Variants in IGF2BP2 observed in about 807,000 individuals in gnomAD.
The protein encoded by IGF2BP2 is insulin like growth factor 2 mRNA binding protein 2.
A neutral mutation model predicts 75.8 loss-of-function variants in IGF2BP2; 17 were observed. The ratio of observed to expected loss-of-function variants is 0.22; its 90% CI spans 0.15 to 0.34. IGF2BP2 has a LOEUF of 0.34. Ranked by LOEUF, IGF2BP2 falls within the 10% of genes least tolerant of loss-of-function variation. IGF2BP2 has a pLI of 1.00. For missense variants in IGF2BP2, 516 were observed against 772.4 expected, an observed-to-expected ratio of 0.67 and a Z score of 3.93; for synonymous variants, 288 against 295.6, an observed-to-expected ratio of 0.97 and a Z score of 0.26.
chr3:185,678,689 G>C (rs1196992266), intron 7 of IGF2BP2, among the ~76,000 whole-genome samples: 2 of 152,136 alleles, frequency 1.3e-5, no homozygotes, highest in Non-Finnish European at 2.9e-5. Context: ...TTGTTCTTCT[G>C]TCTAGTAGTT....
intron 2 of IGF2BP2, among the ~76,000 whole-genome samples, chr3:185,755,701 G>A (rs1374789227): frequency 6.6e-6 from 1 of 152,216 alleles, no homozygotes; most frequent in Non-Finnish European, 1.5e-5. Context: ...TTTAATGCCT[G>A]CTCTACTGGG....
chr3:185,687,657 A>G (rs1721332207), intron 6 of IGF2BP2, among the ~76,000 whole-genome samples: 1 of 152,242 alleles, frequency 6.6e-6, no homozygotes, highest in African/African-American at 2.4e-5. Context: ...TGTGGATAGA[A>G]AACAGAGGCA....
intron 2 of IGF2BP2, among the ~76,000 whole-genome samples, chr3:185,706,873 T>C (rs1357224057): frequency 6.6e-6 from 1 of 151,776 alleles, no homozygotes; most frequent in African/African-American, 2.4e-5. Flanking sequence ...CCCGAGTAGC[T>C]GGGATGACAG....
chr3:185,700,425 T>C (rs910738683), intron 2 of IGF2BP2, among the ~76,000 whole-genome samples: 3 of 152,132 alleles, frequency 2.0e-5, no homozygotes, highest in Non-Finnish European at 4.4e-5. Flanking sequence ...GAATCACTAA[T>C]TGTGTATCAG....
chr3:185,708,076 G>A (rs1724303370), intron 2 of IGF2BP2, among the ~76,000 whole-genome samples: 1 of 152,144 alleles, frequency 6.6e-6, no homozygotes, highest in Admixed American at 6.5e-5. Context: ...TCTCATTTAA[G>A]CCTTACCCTT....
intron 2 of IGF2BP2, among the ~76,000 whole-genome samples, chr3:185,701,472 A>T (rs1326943196): frequency 6.6e-6 from 1 of 152,130 alleles, no homozygotes; most frequent in East Asian, 1.9e-4. Flanking sequence ...TTATTCTTGA[A>T]ATCTAATACA....
At chr3:185,745,260 G>T (rs1730100300) in intron 2 of IGF2BP2, among the ~76,000 whole-genome samples, 1 of 152,230 alleles carries the variant, frequency 6.6e-6, no homozygotes, top group Non-Finnish European at 1.5e-5. Flanking sequence ...TCAAGGTTAA[G>T]ATCAGGAAGC....
chr3:185,784,925 T>G (rs1206049285), intron 2 of IGF2BP2, among the ~76,000 whole-genome samples: 1 of 152,230 alleles, frequency 6.6e-6, no homozygotes, highest in African/African-American at 2.4e-5. Context: ...TTCAGTGGTG[T>G]GCTGTCAAAA....
At chr3:185,665,982 ATAGATAGG>A (rs1351853194) in intron 10 of IGF2BP2, among the ~76,000 whole-genome samples, 5 of 148,680 alleles carry the variant, frequency 3.4e-5, no homozygotes, top group Admixed American at 1.4e-4. Flanking sequence ...AGACAGATAG[ATAGATAGG>A]TAGATAGGTA....
intron 2 of IGF2BP2, among the ~76,000 whole-genome samples, chr3:185,740,090 C>T (rs531525425): frequency 4.6e-4 from 70 of 152,102 alleles, no homozygotes; most frequent in Admixed American, 3.1e-3. Flanking sequence ...TCAAGCAATC[C>T]ACCCGCCTCA....
In IGF2BP2 at chr3:185,815,991, A is replaced by G. The variant is rs78994655; in HGVS notation, c.239+7162T>C. Among the ~76,000 whole-genome samples, 480 of 152,326 alleles carry G rather than the reference A, an allele frequency of 3.2e-3. 3 individuals carry two copies. The highest frequency in any genetic ancestry group is 0.011 in the African/African-American group (457 of 41,562). On this transcript the variant is annotated intron_variant, in intron 2 of 15. Coordinates refer to ENST00000382199, the MANE Select transcript of IGF2BP2 (RefSeq NM_006548.6). ...TGAGAGGCCCAAGGCCTTATTCAGT[A>G]CAGAAAGTGACGTAGAGAAAGATAC...
chr3:185,734,008 C>CA (rs1728531636), intron 2 of IGF2BP2, among the ~76,000 whole-genome samples: 1 of 151,508 alleles, frequency 6.6e-6, no homozygotes, highest in African/African-American at 2.4e-5. Flanking sequence ...TTCTGGTGAC[C>CA]AAAAAAATCC....
chr3:185,667,442 C>T (rs539205922), intron 10 of IGF2BP2, among the ~76,000 whole-genome samples: 43 of 152,128 alleles, frequency 2.8e-4, no homozygotes, highest in Non-Finnish European at 5.1e-4. Context: ...TGCCTGTGAA[C>T]AGCTACTGCA....
chr3:185,823,094 CGTT>C (rs1741571441), intron 2 of IGF2BP2, 56 bp downstream of exon 2: 3 of 1,162,862 alleles, frequency 2.6e-6, no homozygotes, highest in Non-Finnish European at 3.7e-6. Context: ...GCTGTGTGTA[CGTT>C]TTTTACTTAT....
chr3:185,809,827 T>G (rs1578384459), intron 2 of IGF2BP2, among the ~76,000 whole-genome samples: 1 of 152,244 alleles, frequency 6.6e-6, no homozygotes, highest in East Asian at 1.9e-4. Flanking sequence ...CAATCTTAAT[T>G]TATCCAAAAA....
chr3:185,686,916 A>G, intron 7 of IGF2BP2, 141 bp downstream of exon 7: 1 of 908,704 alleles, frequency 1.1e-6, no homozygotes. Context: ...ACTTGGGAAC[A>G]AATTTCTTAA....
intron 2 of IGF2BP2, among the ~76,000 whole-genome samples, chr3:185,822,836 T>TG (rs1323930827): frequency 1.0e-5 from 1 of 95,368 alleles, no homozygotes; most frequent in African/African-American, 4.1e-5. Context: ...GCTATTCTGC[T>TG]GGGGGTAGGG....
intron 2 of IGF2BP2, among the ~76,000 whole-genome samples, chr3:185,759,309 A>G (rs951704087): frequency 1.3e-5 from 2 of 152,240 alleles, no homozygotes; most frequent in African/African-American, 2.4e-5. Flanking sequence ...AACATGTACT[A>G]CTGTCTGCTC....
At chr3:185,787,831 T>G (rs1189326120) in intron 2 of IGF2BP2, among the ~76,000 whole-genome samples, 2 of 152,222 alleles carry the variant, frequency 1.3e-5, no homozygotes, top group East Asian at 3.8e-4. Flanking sequence ...GGATGCTGTT[T>G]TCTCAGCACC....
Sources: allele counts gnomAD v4.1 joint callset (sites outside exome capture counted in the v4.1 genomes callset), GRCh38; gene constraint gnomAD v4.1.1; transcripts MANE v1.5; gene names NCBI Gene and HGNC (gene_info 2026-07-23, HGNC 2026-07-21).